DLG2: variants seen among roughly 807,000 people sequenced by gnomAD.
DLG2 encodes the protein disks large homolog 2.
DLG2 carries 45 observed loss-of-function variants against 132.5 expected under a neutral mutation model. The ratio of observed to expected loss-of-function variants is 0.34; its 90% CI spans 0.27 to 0.44. The LOEUF (loss-of-function observed/expected upper bound fraction) is 0.44. DLG2 is among the 20% of genes least tolerant of loss of function. The pLI is 1.00. For missense variants in DLG2, 1,045 were observed against 1,196.9 expected, an observed-to-expected ratio of 0.87 and a Z score of 1.87; for synonymous variants, 424 against 419.6, an observed-to-expected ratio of 1.01 and a Z score of -0.13.
chr11:84,898,726 T>A (rs1039687176), intron 6 of DLG2, among the ~76,000 whole-genome samples: 2 of 151,962 alleles, frequency 1.3e-5, no homozygotes, highest in Non-Finnish European at 2.9e-5. Flanking sequence ...CTTCCTAGAA[T>A]GCTTTTTCTT....
intron 3 of DLG2, among the ~76,000 whole-genome samples, chr11:85,587,716 T>TA (rs2079059673): frequency 2.6e-5 from 4 of 152,194 alleles, no homozygotes; most frequent in Admixed American, 2.6e-4. Context: ...AGATGTGAGG[T>TA]ACTGTTTTAT....
chr11:84,501,241 A>C (rs190031490), intron 7 of DLG2, among the ~76,000 whole-genome samples: 19 of 152,322 alleles, frequency 1.2e-4, no homozygotes, highest in African/African-American at 4.3e-4. Context: ...ACGGTCACTT[A>C]TTTCCTAAGT....
intron 5 of DLG2, chr11:85,132,828 G>A (rs1484553480): frequency 2.2e-6 from 1 of 456,720 alleles, no homozygotes; most frequent in South Asian, 1.5e-5. Flanking sequence ...TCAGTACATG[G>A]AAATCACACC....
intron 11 of DLG2, among the ~76,000 whole-genome samples, chr11:83,997,500 T>C (rs1392946436): frequency 1.3e-5 from 2 of 151,900 alleles, no homozygotes; most frequent in Non-Finnish European, 2.9e-5. Flanking sequence ...TTTGGGAGGC[T>C]GAGGTAGGCA....
chr11:84,312,879 G>A (rs972940255), intron 7 of DLG2, among the ~76,000 whole-genome samples: 1 of 151,804 alleles, frequency 6.6e-6, no homozygotes, highest in African/African-American at 2.4e-5. Context: ...GTGCAATCTC[G>A]GCTCACTGTA....
intron 6 of DLG2, among the ~76,000 whole-genome samples, chr11:84,976,295 AG>A (rs1592104806): frequency 6.6e-6 from 1 of 152,158 alleles, no homozygotes; most frequent in East Asian, 1.9e-4. Context: ...GAGATAGTAA[AG>A]TTATTTAATA....
chr11:83,988,217 G>A (rs565038343), intron 11 of DLG2, among the ~76,000 whole-genome samples: 1 of 152,236 alleles, frequency 6.6e-6, no homozygotes, highest in African/African-American at 2.4e-5. Context: ...CTGTGCTTAT[G>A]TCCTGAATGG....
intron 6 of DLG2, among the ~76,000 whole-genome samples, chr11:84,933,074 A>AT (rs1186672403): frequency 2.0e-5 from 3 of 152,138 alleles, no homozygotes; most frequent in African/African-American, 7.2e-5. Context: ...ATGAGATGGT[A>AT]TCTCATTGTG....
intron 18 of DLG2, among the ~76,000 whole-genome samples, chr11:83,689,021 C>A (rs930290737): frequency 2.0e-5 from 3 of 152,158 alleles, no homozygotes; most frequent in African/African-American, 7.2e-5. Context: ...TAATCAAGGT[C>A]ATATTCTCCC....
chr11:83,828,834 GTCTCT>G (rs1317455979), intron 17 of DLG2, among the ~76,000 whole-genome samples: 2 of 152,064 alleles, frequency 1.3e-5, no homozygotes, highest in East Asian at 1.9e-4. Flanking sequence ...AAGTGTTACT[GTCTCT>G]TCTCTTTCTT....
At chr11:84,821,686 T>C (rs1566056614) in intron 6 of DLG2, among the ~76,000 whole-genome samples, 1 of 150,440 alleles carries the variant, frequency 6.6e-6, no homozygotes, top group East Asian at 2.0e-4. Context: ...GTTAAACTTC[T>C]AGTCATTTTT....
intron 12 of DLG2, among the ~76,000 whole-genome samples, chr11:83,979,969 A>C (rs2092634736): frequency 2.0e-5 from 3 of 152,178 alleles, no homozygotes. Context: ...TGAAAATGTC[A>C]ACAAAATAGA....
chr11:85,397,880 G>A (rs538427544), intron 3 of DLG2, among the ~76,000 whole-genome samples: 1 of 152,034 alleles, frequency 6.6e-6, no homozygotes, highest in Non-Finnish European at 1.5e-5. Flanking sequence ...GAAAGAGGAG[G>A]TTAACAAGGA....
At chr11:84,802,520 AC>A (rs1408137368) in intron 6 of DLG2, among the ~76,000 whole-genome samples, 1 of 151,714 alleles carries the variant, frequency 6.6e-6, no homozygotes, top group Non-Finnish European at 1.5e-5. Flanking sequence ...GGAGTGACCA[AC>A]CCCAGTCACT....
chr11:84,361,617 T>G (rs1182018457), intron 7 of DLG2, among the ~76,000 whole-genome samples: 2 of 151,990 alleles, frequency 1.3e-5, no homozygotes, highest in Non-Finnish European at 1.5e-5. Flanking sequence ...AATTTATAGC[T>G]ACAACAAAGA....
intron 17 of DLG2, among the ~76,000 whole-genome samples, chr11:83,813,994 A>G (rs1245591301): frequency 1.3e-5 from 2 of 152,164 alleles, no homozygotes; most frequent in Non-Finnish European, 2.9e-5. Context: ...ATGCAGACTC[A>G]CTTTTTTTTC....
chr11:84,617,854 G>T (rs920797683), intron 6 of DLG2, among the ~76,000 whole-genome samples: 4 of 151,818 alleles, frequency 2.6e-5, no homozygotes, highest in Admixed American at 2.0e-4. Flanking sequence ...TGGAAATCAA[G>T]GAATAAACAA....
chr11:84,135,433 G>A (rs1455564560), intron 9 of DLG2, among the ~76,000 whole-genome samples: 1 of 152,078 alleles, frequency 6.6e-6, no homozygotes, highest in African/African-American at 2.4e-5. Flanking sequence ...AACAAGTACT[G>A]GACAGGGGTC....
At chr11:84,951,578 T>C (rs1049784685) in intron 6 of DLG2, among the ~76,000 whole-genome samples, 2 of 151,152 alleles carry the variant, frequency 1.3e-5, no homozygotes, top group African/African-American at 4.9e-5. Context: ...TGTACATGGC[T>C]TTAATACATA....
Sources: allele counts gnomAD v4.1 joint callset (sites outside exome capture counted in the v4.1 genomes callset), GRCh38; gene constraint gnomAD v4.1.1; transcripts MANE v1.5; gene names NCBI Gene and HGNC (gene_info 2026-07-23, HGNC 2026-07-21).